NCKAP5: variants seen among roughly 807,000 people sequenced by gnomAD.
The protein encoded by NCKAP5 is nck-associated protein 5.
Under a neutral mutation model 167.0 loss-of-function variants are expected in NCKAP5, and 92 were observed. The ratio of observed to expected loss-of-function variants is 0.55; its 90% CI spans 0.47 to 0.66. The LOEUF (loss-of-function observed/expected upper bound fraction) is 0.66, where lower values mean the gene tolerates loss of function less well. Ranked by LOEUF, NCKAP5 falls within the 30% of genes least tolerant of loss-of-function variation. The pLI is 0.00. For synonymous variants in NCKAP5, 891 were observed against 877.4 expected (o/e 1.02, Z -0.27); for missense variants, 2,378 against 2,315.0 (o/e 1.03, Z -0.56).
chr2:133,406,023 A>G (rs1159838431), intron 3 of NCKAP5, among the ~76,000 whole-genome samples: 1 of 152,250 alleles, frequency 6.6e-6, no homozygotes. Flanking sequence ...TTGAAGATCC[A>G]TTGCTTGTAA....
At chr2:133,665,709 G>GA in the NCKAP5 span, among the ~76,000 whole-genome samples, 3 of 136,446 alleles carry the variant, frequency 2.2e-5, no homozygotes, top group African/African-American at 5.0e-5. Context: ...CTTCAACTGG[G>GA]AAAAAACCAC....
intron 2 of NCKAP5, among the ~76,000 whole-genome samples, chr2:133,538,906 T>TGGG (rs1553437605): frequency 8.4e-5 from 12 of 143,516 alleles, no homozygotes; most frequent in East Asian, 4.4e-4. Flanking sequence ...AGTTTTTTTT[T>TGGG]GGTTTTTTTT....
chr2:133,017,841 C>T lies in NCKAP5; in HGVS notation c.342-23602G>A, dbSNP rs190205186. Among the ~76,000 whole-genome samples, 6 of 151,836 alleles carry T rather than the reference C, an allele frequency of 4.0e-5. No individual in the cohort carries two copies. In the East Asian group the frequency reaches 9.7e-4, roughly 25 times the overall value. ...CCAGAACATACTTTATAATCAAGAT[C>T]ATACTTTGCAATGGGCAACACTTCT... is the stretch of plus-strand genomic sequence containing the variant. On this transcript the variant is annotated intron_variant, in intron 6 of 19. Coordinates refer to ENST00000409261, the MANE Select transcript of NCKAP5 (RefSeq NM_207363.3).
At chr2:133,360,592 G>A (rs1372337380) in intron 3 of NCKAP5, among the ~76,000 whole-genome samples, 1 of 152,098 alleles carries the variant, frequency 6.6e-6, no homozygotes, top group Admixed American at 6.6e-5. Flanking sequence ...CAGCAAAGGA[G>A]TCCTTTCATT....
chr2:133,617,189 C>T, the NCKAP5 span, among the ~76,000 whole-genome samples: 1 of 152,152 alleles, frequency 6.6e-6, no homozygotes, highest in Non-Finnish European at 1.5e-5. Context: ...AATCCACAGC[C>T]AATATCATAC....
intron 3 of NCKAP5, among the ~76,000 whole-genome samples, chr2:133,401,924 T>C (rs1308557735): frequency 6.6e-6 from 1 of 152,152 alleles, no homozygotes; most frequent in African/African-American, 2.4e-5. Flanking sequence ...GGACCTACTG[T>C]ACTACTCTAA....
At chr2:133,250,838 C>G (rs1559317419) in intron 4 of NCKAP5, among the ~76,000 whole-genome samples, 1 of 151,942 alleles carries the variant, frequency 6.6e-6, no homozygotes, top group East Asian at 1.9e-4. Flanking sequence ...GCTGAGGTAG[C>G]AAGATGGCTT....
intron 3 of NCKAP5, among the ~76,000 whole-genome samples, chr2:133,514,815 T>G (rs1367456753): frequency 2.0e-5 from 3 of 152,146 alleles, no homozygotes; most frequent in Non-Finnish European, 4.4e-5. Flanking sequence ...GTTCTACTTT[T>G]GGTGTAATCC....
intron 4 of NCKAP5, among the ~76,000 whole-genome samples, chr2:133,218,884 CA>C (rs2086541412): frequency 6.6e-6 from 1 of 152,200 alleles, no homozygotes; most frequent in South Asian, 2.1e-4. Flanking sequence ...CTTATTAATT[CA>C]ATTTGAAAGA....
At chr2:132,730,034 G>C (rs536490075) in intron 17 of NCKAP5, among the ~76,000 whole-genome samples, 1 of 152,224 alleles carries the variant, frequency 6.6e-6, no homozygotes, top group East Asian at 1.9e-4. Flanking sequence ...CATAACCGAT[G>C]GACACAGAAA....
At chr2:132,865,431 G>A (rs1173951367) in intron 10 of NCKAP5, among the ~76,000 whole-genome samples, 2 of 152,126 alleles carry the variant, frequency 1.3e-5, no homozygotes, top group African/African-American at 4.8e-5. Context: ...CCTGGAAATT[G>A]GGGAATTTGG....
chr2:133,520,478 ATAG>A (rs1226256747), intron 2 of NCKAP5, among the ~76,000 whole-genome samples: 4 of 152,190 alleles, frequency 2.6e-5, no homozygotes, highest in Non-Finnish European at 5.9e-5. Flanking sequence ...GACCTTCTTC[ATAG>A]TAGGGTTTTC....
intron 3 of NCKAP5, among the ~76,000 whole-genome samples, chr2:133,332,020 T>C (rs1682886172): frequency 6.6e-6 from 1 of 151,966 alleles, no homozygotes; most frequent in African/African-American, 2.4e-5. Flanking sequence ...GTGTCACACG[T>C]GTGTAGACCC....
intron 2 of NCKAP5, among the ~76,000 whole-genome samples, chr2:133,519,981 A>T (rs1388358315): frequency 6.6e-6 from 1 of 151,980 alleles, no homozygotes; most frequent in African/African-American, 2.4e-5. Flanking sequence ...AAGTCAAAAG[A>T]TCGAGACCAT....
At chr2:133,278,199 C>G (rs1024399330) in intron 4 of NCKAP5, among the ~76,000 whole-genome samples, 5 of 152,120 alleles carry the variant, frequency 3.3e-5, no homozygotes, top group African/African-American at 1.2e-4. Context: ...AACAAATTAT[C>G]GCAAATGTAG....
chr2:133,452,193 G>T (rs940454754), intron 3 of NCKAP5, among the ~76,000 whole-genome samples: 2 of 152,166 alleles, frequency 1.3e-5, no homozygotes, highest in African/African-American at 2.4e-5. Context: ...TCCTCTCCTT[G>T]AGAGAAATGT....
At chr2:132,990,006 C>T (rs773177315) in intron 7 of NCKAP5, among the ~76,000 whole-genome samples, 11 of 152,116 alleles carry the variant, frequency 7.2e-5, no homozygotes, top group Non-Finnish European at 1.3e-4. Flanking sequence ...AAGTGCTTTG[C>T]AAACTGTAAA....
At chr2:133,134,182 TG>T (rs1460192732) in intron 5 of NCKAP5, among the ~76,000 whole-genome samples, 3 of 152,228 alleles carry the variant, frequency 2.0e-5, no homozygotes, top group Admixed American at 6.5e-5. Context: ...CATCCACATG[TG>T]GTGTTTACAA....
intron 16 of NCKAP5, among the ~76,000 whole-genome samples, chr2:132,758,588 C>T (rs1408769678): frequency 6.6e-6 from 1 of 152,130 alleles, no homozygotes. Context: ...TTTAGCTCCT[C>T]CTCTGACACC....
Sources: gnomAD v4.1 joint callset for allele counts (sites outside exome capture counted in the v4.1 genomes callset) on GRCh38, gnomAD v4.1.1 for gene constraint, MANE v1.5 for transcripts, NCBI Gene and HGNC (gene_info 2026-07-23, HGNC 2026-07-21) for gene names.